ZNF705G: variants seen among roughly 807,000 people sequenced by gnomAD.
ZNF705G encodes the protein putative zinc finger protein 705G.
In ZNF705G, 23 loss-of-function variants were observed where a neutral mutation model predicts 19.6. That is an observed-to-expected ratio of 1.17 (90% CI 0.84 to 1.66). The LOEUF (loss-of-function observed/expected upper bound fraction) is 1.66. ZNF705G is among the 40% of genes most tolerant of loss of function. ZNF705G has a pLI of 0.00. For missense variants in ZNF705G, 457 were observed against 354.4 expected, an observed-to-expected ratio of 1.29 and a Z score of -2.32; for synonymous variants, 146 against 117.7, an observed-to-expected ratio of 1.24 and a Z score of -1.56.
At chr8:7,363,838 T>A (rs1436042757) in intron 2 of ZNF705G, among the ~76,000 whole-genome samples, 2 of 149,022 alleles carry the variant, frequency 1.3e-5, no homozygotes, top group Non-Finnish European at 2.9e-5. Context: ...AAAATCTGTT[T>A]TAGGATGGGG....
intron 2 of ZNF705G, among the ~76,000 whole-genome samples, chr8:7,364,147 C>T (rs1377471466): frequency 1.3e-5 from 2 of 149,616 alleles, no homozygotes; most frequent in Admixed American, 6.6e-5. Context: ...TACATATTTG[C>T]TGAGAAATAC....
At chr8:7,381,112 T>C (rs1807479376) in intron 2 of ZNF705G, among the ~76,000 whole-genome samples, 1 of 131,772 alleles carries the variant, frequency 7.6e-6, no homozygotes, top group Non-Finnish European at 1.5e-5. Context: ...TTATTTGTTA[T>C]TAGTATTAGT....
At chr8:7,371,316 G>T (rs1377942065) in intron 2 of ZNF705G, among the ~76,000 whole-genome samples, 3 of 137,200 alleles carry the variant, frequency 2.2e-5, no homozygotes, top group African/African-American at 8.5e-5. Context: ...CCGTGGTGCT[G>T]GGGAAATGGG....
At chr8:7,382,917 G>A (rs1335985069) in intron 1 of ZNF705G, among the ~76,000 whole-genome samples, 1 of 147,152 alleles carries the variant, frequency 6.8e-6, no homozygotes, top group Non-Finnish European at 1.5e-5. Flanking sequence ...TACCTAATAG[G>A]TAGTTTTGTA....
intron 5 of ZNF705G, 109 bp downstream of exon 5, chr8:7,360,128 C>T: frequency 1.5e-6 from 2 of 1,298,464 alleles, no homozygotes; most frequent in South Asian, 1.3e-5. Context: ...GCCTAACCTA[C>T]ATTTTAGAAA....
At chr8:7,382,427 T>C (rs1807539343) in intron 1 of ZNF705G, among the ~76,000 whole-genome samples, 1 of 146,820 alleles carries the variant, frequency 6.8e-6, no homozygotes, top group Non-Finnish European at 1.5e-5. Context: ...CCAGAATAAA[T>C]TATTATAAAA....
chr8:7,365,545 A>C (rs1255516433), intron 2 of ZNF705G, among the ~76,000 whole-genome samples: 2 of 149,054 alleles, frequency 1.3e-5, no homozygotes, highest in Admixed American at 6.6e-5. Flanking sequence ...TGCTCGGCTA[A>C]TTTTGTACTA....
Position 7,383,550 on chromosome 8 carries a change from G to A in ZNF705G, c.-222+1948C>T, listed in dbSNP as rs540255236. ...ATGAATAAATTGACAGAGGGAGGAA[G>A]GAGGTAAGGAAGTGCTGTGGCCTGA... On this transcript the variant is annotated intron_variant, in intron 1 of 6. Coordinates refer to ENST00000400156, the MANE Select transcript of ZNF705G (RefSeq NM_001164457.3). 1.7e-4 allele frequency among the ~76,000 whole-genome samples: 25 copies of A among 146,704 alleles called. 5 individuals are homozygous for A. The highest frequency in any genetic ancestry group is 6.9e-4 in the African/African-American group (25 of 36,214).
intron 2 of ZNF705G, among the ~76,000 whole-genome samples, chr8:7,371,278 CAG>C (rs1585422095): frequency 8.7e-6 from 1 of 114,588 alleles, no homozygotes; most frequent in East Asian, 2.8e-4. Flanking sequence ...CTCACAAAAG[CAG>C]AGAGTAGAAT....
chr8:7,369,090 A>T (rs1325085617), intron 2 of ZNF705G, among the ~76,000 whole-genome samples: 1 of 149,518 alleles, frequency 6.7e-6, no homozygotes, highest in East Asian at 1.9e-4. Flanking sequence ...GTTTCCCCTT[A>T]TCAAACCATC....
At chr8:7,374,197 G>A (rs1209567324) in intron 2 of ZNF705G, among the ~76,000 whole-genome samples, 2 of 104,604 alleles carry the variant, frequency 1.9e-5, no homozygotes, top group African/African-American at 3.7e-5. Flanking sequence ...ATATTAACTC[G>A]GTAGCACACA....
rs1806207833 is a variant in ZNF705G, at chr8:7,355,994, TA to T, written c.*1981del. The T allele has an allele frequency of 1.3e-5, 2 of 149,562 alleles. 1 individual carries two copies. Among genetic ancestry groups the T allele is most frequent in the African/African-American group, 5.1e-5 (2 of 38,928 alleles). 9.3% of individuals were successfully genotyped at this position (149,562 alleles called of 1,614,324 possible). ...CATGGATAAGGCCATTTAGCCTTAGTAAGGCCGATCGTATTAAGATTGTGCC... is the reference window on the plus strand; with the variant it reads ...CATGGATAAGGCCATTTAGCCTTAGTAGGCCGATCGTATTAAGATTGTGCC... On this transcript the variant is annotated 3_prime_UTR_variant, in exon 7 of 7. Transcript: ENST00000400156.
rs1407347557 is a variant in ZNF705G, at chr8:7,370,813, C to T, written c.-71-7796G>A. On this transcript the variant is annotated intron_variant, in intron 2 of 6. Coordinates refer to ENST00000400156, the MANE Select transcript of ZNF705G (RefSeq NM_001164457.3). ...CAACAGCAAAGACATGGAATCAACC[C>T]GAATGTCCATCAGTGACAGACTGGA... 3.4e-4 allele frequency among the ~76,000 whole-genome samples: 37 copies of T among 108,776 alleles called. 1 individual carries two copies. Among genetic ancestry groups the T allele is most frequent in the Non-Finnish European group, 5.5e-5 (3 of 54,432 alleles). 71.4% of individuals were successfully genotyped at this position (108,776 alleles called of 152,430 possible). A position where few individuals can be genotyped will look rare whatever the true frequency, so the allele number is the denominator to read the frequency against.
At chr8:7,372,415 T>A (rs1288402592) in intron 2 of ZNF705G, among the ~76,000 whole-genome samples, 2 of 148,892 alleles carry the variant, frequency 1.3e-5, no homozygotes, top group African/African-American at 5.0e-5. Flanking sequence ...CCTGACTATA[T>A]CCATACCTCC....
In ZNF705G at chr8:7,357,951, T is replaced by A; in HGVS notation, c.*25A>T. On this transcript the variant is annotated 3_prime_UTR_variant, in exon 7 of 7. Coordinates refer to ENST00000400156, the MANE Select transcript of ZNF705G (RefSeq NM_001164457.3). Reference sequence around the variant, plus strand: ...CCACATAAATGGCATTCATATGGCTTTTCTCCAGTGCGTGTTCTCTCATGT... The same window carrying A: ...CCACATAAATGGCATTCATATGGCTATTCTCCAGTGCGTGTTCTCTCATGT... 1 of 1,608,256 alleles carries A rather than the reference T, an allele frequency of 6.2e-7. No homozygotes were observed. Among genetic ancestry groups the A allele is most frequent in the Non-Finnish European group, 8.5e-7 (1 of 1,179,532 alleles).
intron 2 of ZNF705G, among the ~76,000 whole-genome samples, chr8:7,367,519 C>T (rs1469638009): frequency 6.7e-6 from 1 of 149,416 alleles, no homozygotes; most frequent in African/African-American, 2.6e-5. Flanking sequence ...CATATAACTC[C>T]CTAAACACAA....
In ZNF705G at chr8:7,360,765, G is replaced by A. The variant is rs71511224; in HGVS notation, c.139+345C>T. Among the ~76,000 whole-genome samples, 19 of 149,340 alleles carry A rather than the reference G, an allele frequency of 1.3e-4. 1 individual carries two copies. The highest frequency in any genetic ancestry group is 4.9e-4 in the African/African-American group (19 of 38,826). On this transcript the variant is annotated intron_variant, in intron 4 of 6. Transcript: ENST00000400156. ...TTTTCCCTAATTGGTCTCAGCCTAA[G>A]CATAGACTAAAGCAGAAGAGTTATT...
At chr8:7,361,430 C>T (rs1381017979) in intron 3 of ZNF705G, among the ~76,000 whole-genome samples, 194 bp from the exon 4 acceptor site, 2 of 149,618 alleles carry the variant, frequency 1.3e-5, no homozygotes, top group African/African-American at 2.6e-5. Context: ...ACTCTGAATC[C>T]ATTAAAGTTT....
intron 1 of ZNF705G, among the ~76,000 whole-genome samples, chr8:7,383,985 C>G (rs1257887743): frequency 3.0e-4 from 42 of 140,522 alleles, no homozygotes; most frequent in Non-Finnish European, 4.5e-4. Flanking sequence ...ACCTCTCTAA[C>G]AGTGGTCACC....
Sources: gnomAD v4.1 joint callset for allele counts (sites outside exome capture counted in the v4.1 genomes callset) on GRCh38, gnomAD v4.1.1 for gene constraint, MANE v1.5 for transcripts, NCBI Gene and HGNC (gene_info 2026-07-23, HGNC 2026-07-21) for gene names.